FLT1: variants seen among roughly 807,000 people sequenced by gnomAD.
FLT1 encodes fms related receptor tyrosine kinase 1, also known as vascular endothelial growth factor receptor 1.
In FLT1, 49 loss-of-function variants were observed where a neutral mutation model predicts 156.3. The observed-to-expected ratio is 0.31, with a 90% CI of 0.25 to 0.40. FLT1 has a LOEUF of 0.40. Among genes scored for constraint, FLT1 ranks in the 10% least tolerant of loss-of-function variants. The probability of loss-of-function intolerance (pLI) is 1.00; values close to 1 mark genes in which losing one functional copy is unlikely to be tolerated. For missense variants in FLT1, 1,322 were observed against 1,637.2 expected, an observed-to-expected ratio of 0.81 and a Z score of 3.32; for synonymous variants, 594 against 583.8, an observed-to-expected ratio of 1.02 and a Z score of -0.25.
chr13:28,435,045 C>A (rs2087050597), intron 4 of FLT1, among the ~76,000 whole-genome samples: 2 of 152,122 alleles, frequency 1.3e-5, no homozygotes, highest in Admixed American at 1.3e-4. Flanking sequence ...GTAAATAATT[C>A]CAGGTCCTCC....
chr13:28,417,769 G>A (rs187649927), intron 10 of FLT1, among the ~76,000 whole-genome samples: 21 of 151,280 alleles, frequency 1.4e-4, no homozygotes, highest in African/African-American at 5.1e-4. Flanking sequence ...GCACGCCACT[G>A]TGCCTGGCTC....
rs193043669 is a variant in FLT1, at chr13:28,483,917, G to A, written c.64+10863C>T. Among the ~76,000 whole-genome samples the A allele has an allele frequency of 2.6e-5, 4 of 152,260 alleles. 1 individual carries two copies. The highest frequency in any genetic ancestry group is 2.6e-4 in the Admixed American group (4 of 15,298). On this transcript the variant is annotated intron_variant, in intron 1 of 29. Coordinates refer to ENST00000282397, the MANE Select transcript of FLT1 (RefSeq NM_002019.4). ...CAAGATACTTTGAGTAAATGTTGGT[G>A]GAAAGAGTCCCCGATTTCAAAATTA... is the stretch of plus-strand genomic sequence containing the variant.
intron 3 of FLT1, among the ~76,000 whole-genome samples, chr13:28,440,396 A>G (rs1878269651): frequency 6.6e-6 from 1 of 152,186 alleles, no homozygotes; most frequent in South Asian, 2.1e-4. Context: ...CCTCCAATCT[A>G]GAGCCCCTTC....
At chr13:28,420,986 C>A (rs1471250546) in intron 10 of FLT1, among the ~76,000 whole-genome samples, 1 of 151,872 alleles carries the variant, frequency 6.6e-6, no homozygotes, top group Non-Finnish European at 1.5e-5. Context: ...TATTGTAGGC[C>A]ACCCCACCCC....
At position 28,301,615 on chromosome 13, in the gene FLT1, C is replaced by T. The variant is rs1323532595; in HGVS notation, c.*1552G>A. On this transcript the variant is annotated 3_prime_UTR_variant, in exon 30 of 30. Coordinates refer to ENST00000282397, the MANE Select transcript of FLT1 (RefSeq NM_002019.4). Reference sequence around the variant, plus strand: ...AAGAAGCAGCAATCCACTGTTGCCTCTCCAGCTTCTGACTGGCTGCAGAAG... The same window carrying T: ...AAGAAGCAGCAATCCACTGTTGCCTTTCCAGCTTCTGACTGGCTGCAGAAG... The T allele has an allele frequency of 4.3e-6, 1 of 233,320 alleles. No homozygotes were observed. The highest frequency in any genetic ancestry group is 8.5e-6 in the Non-Finnish European group (1 of 117,888). The allele number at this position is 233,320 out of a possible 1,614,324, so 14.5% of individuals were successfully genotyped here. A position where few individuals can be genotyped will look rare whatever the true frequency, so the allele number is the denominator to read the frequency against.
chr13:28,354,342 T>G (rs1222033774), intron 15 of FLT1, among the ~76,000 whole-genome samples: 2 of 152,188 alleles, frequency 1.3e-5, no homozygotes, highest in African/African-American at 4.8e-5. Flanking sequence ...TGTGCAAAGT[T>G]ATATTCTTAT....
At chr13:28,394,843 C>A (rs1874946534) in intron 12 of FLT1, among the ~76,000 whole-genome samples, 1 of 152,170 alleles carries the variant, frequency 6.6e-6, no homozygotes, top group Non-Finnish European at 1.5e-5. Flanking sequence ...TGATTTAAAT[C>A]TGCTTCTAGG....
Position 28,300,406 on chromosome 13 carries a change from A to T in FLT1, c.*2761T>A, listed in dbSNP as rs1593660465. The T allele has an allele frequency of 4.3e-6, 1 of 233,232 alleles. No individual in the cohort carries two copies. The highest frequency in any genetic ancestry group is 6.0e-5 in the East Asian group (1 of 16,586). 14.4% of individuals were successfully genotyped at this position (233,232 alleles called of 1,614,324 possible). ...ACAAAATACATTCATCATGACTAGA[A>T]ATATAGGACCAAACCATGTCTGTCT... On this transcript the variant is annotated 3_prime_UTR_variant, in exon 30 of 30. Transcript: ENST00000282397.
chr13:28,409,847 G>A (rs1367677644), intron 10 of FLT1, among the ~76,000 whole-genome samples: 1 of 151,076 alleles, frequency 6.6e-6, no homozygotes, highest in Non-Finnish European at 1.5e-5. Context: ...TTACTATGTT[G>A]AGGATTCCAT....
chr13:28,466,880 A>C, intron 3 of FLT1, 23 bp downstream of exon 3: 1 of 1,509,522 alleles, frequency 6.6e-7, no homozygotes, highest in Non-Finnish European at 9.2e-7. Context: ...AAGCAAACAG[A>C]ATGTAGAAAA....
intron 13 of FLT1, chr13:28,388,437 C>A: frequency 9.5e-7 from 1 of 1,047,302 alleles, no homozygotes; most frequent in Non-Finnish European, 1.2e-6. Context: ...TCAGCCATGG[C>A]TATTTTGGTC....
At chr13:28,321,318 T>A (rs1871451620) in intron 23 of FLT1, 145 bp downstream of exon 23, 2 of 985,580 alleles carry the variant, frequency 2.0e-6, no homozygotes, top group Admixed American at 3.5e-5. Flanking sequence ...CTCTCTGGGA[T>A]GCCGCTCATC....
intron 10 of FLT1, among the ~76,000 whole-genome samples, chr13:28,413,927 G>A (rs1876483389): frequency 2.0e-5 from 3 of 152,192 alleles, no homozygotes; most frequent in Non-Finnish European, 2.9e-5. Context: ...CTGACTTTGA[G>A]AATCGTAGTC....
chr13:28,395,294 G>A (rs2137470127), intron 12 of FLT1, among the ~76,000 whole-genome samples: 1 of 152,284 alleles, frequency 6.6e-6, no homozygotes, highest in East Asian at 1.9e-4. Context: ...GGGCAAGTCT[G>A]TTTTCTTCTC....
At chr13:28,459,993 G>C (rs1014589625) in intron 3 of FLT1, among the ~76,000 whole-genome samples, 2 of 152,238 alleles carry the variant, frequency 1.3e-5, no homozygotes, top group South Asian at 4.1e-4. Flanking sequence ...AAGGCTCGGC[G>C]ATGAAGCCTG....
chr13:28,389,514 G>A (rs1230417520), intron 13 of FLT1: 45 of 1,418,782 alleles, frequency 3.2e-5, no homozygotes, highest in Non-Finnish European at 4.0e-5. Flanking sequence ...CGTGCACCAA[G>A]TCGGCCCCCC....
At chr13:28,472,290 T>C (rs1880220207) in intron 1 of FLT1, among the ~76,000 whole-genome samples, 1 of 152,204 alleles carries the variant, frequency 6.6e-6, no homozygotes, top group Non-Finnish European at 1.5e-5. Flanking sequence ...TCCAAGTAAA[T>C]GATGGCTTTA....
chr13:28,366,237 A>C (rs1368777063), intron 14 of FLT1, among the ~76,000 whole-genome samples: 1 of 152,202 alleles, frequency 6.6e-6, no homozygotes, highest in Non-Finnish European at 1.5e-5. Context: ...GAGTATGTAC[A>C]TGGGGATAAG....
chr13:28,368,866 G>A (rs573312589), intron 14 of FLT1, among the ~76,000 whole-genome samples: 12 of 151,844 alleles, frequency 7.9e-5, no homozygotes, highest in African/African-American at 2.7e-4. Context: ...CACCATACCC[G>A]GCTAATTTTT....
Sources: allele counts gnomAD v4.1 joint callset (sites outside exome capture counted in the v4.1 genomes callset), GRCh38; gene constraint gnomAD v4.1.1; transcripts MANE v1.5; gene names NCBI Gene and HGNC (gene_info 2026-07-23, HGNC 2026-07-21).